The following HDAC4 variants were observed in gnomAD, a reference collection of about 807,000 sequenced individuals.
HDAC4 encodes the protein histone deacetylase 4.
HDAC4 carries 16 observed loss-of-function variants against 135.1 expected under a neutral mutation model. That is an observed-to-expected ratio of 0.12 (90% CI 0.08 to 0.18). HDAC4 has a LOEUF of 0.18. Ranked by LOEUF, HDAC4 falls within the 10% of genes least tolerant of loss-of-function variation. The pLI is 1.00. For synonymous variants in HDAC4, 685 were observed against 653.4 expected, an observed-to-expected ratio of 1.05 and a Z score of -0.74; for missense variants, 1,143 against 1,511.8, an observed-to-expected ratio of 0.76 and a Z score of 4.05.
chr2:239,333,465 A>C (rs1691718611), intron 2 of HDAC4, among the ~76,000 whole-genome samples: 1 of 152,170 alleles, frequency 6.6e-6, no homozygotes, highest in African/African-American at 2.4e-5. Flanking sequence ...TTCAAGAAAA[A>C]ATAACACGTC....
At chr2:239,357,886 T>C (rs1693605141) in intron 1 of HDAC4, among the ~76,000 whole-genome samples, 2 of 75,008 alleles carry the variant, frequency 2.7e-5, no homozygotes, top group Admixed American at 1.6e-4. Context: ...AAGCCTCTGT[T>C]CCAAAAAAAA....
At chr2:239,130,155 G>A (rs146341076) in intron 11 of HDAC4, among the ~76,000 whole-genome samples, 8 of 152,272 alleles carry the variant, frequency 5.3e-5, no homozygotes, top group Non-Finnish European at 7.4e-5. Context: ...TTGCAATCCC[G>A]GCCGCCCAAG....
chr2:239,368,697 C>T (rs1488065618), intron 1 of HDAC4, among the ~76,000 whole-genome samples: 1 of 152,092 alleles, frequency 6.6e-6, no homozygotes, highest in Non-Finnish European at 1.5e-5. Flanking sequence ...CCTCTCCTGC[C>T]CAGGTGAGGT....
chr2:239,282,811 C>T lies in HDAC4; in HGVS notation c.23-46147G>A, dbSNP rs188745084. Reference sequence around the variant, plus strand: ...CTCTACACACAATGTACACACCACTCTACACACAATGTACACACCACTCTA... The same window carrying T: ...CTCTACACACAATGTACACACCACTTTACACACAATGTACACACCACTCTA... On this transcript the variant is annotated intron_variant, in intron 2 of 26. Transcript: ENST00000543185. 5.6e-3 allele frequency among the ~76,000 whole-genome samples: 855 copies of T among 151,456 alleles called. 4 individuals carry two copies. The highest frequency in any genetic ancestry group is 8.7e-3 in the Non-Finnish European group (590 of 67,832).
intron 3 of HDAC4, among the ~76,000 whole-genome samples, chr2:239,230,368 C>CAAAAAAAAAAAAAAAAAAAAGAAA (rs2047474758): frequency 1.3e-5 from 1 of 79,392 alleles, no homozygotes; most frequent in Admixed American, 1.5e-4. Flanking sequence ...AGCAAGCAAG[C>CAAAAAAAAAAAAAAAAAAAAGAAA]AAAAAAAAAA....
intron 1 of HDAC4, among the ~76,000 whole-genome samples, chr2:239,379,789 G>A (rs779022706): frequency 2.6e-4 from 40 of 152,246 alleles, no homozygotes; most frequent in Non-Finnish European, 5.0e-4. Flanking sequence ...GAAGGCCAGA[G>A]AGCAGCCCCT....
intron 7 of HDAC4, among the ~76,000 whole-genome samples, chr2:239,147,050 C>T (rs762807798): frequency 1.3e-5 from 2 of 152,192 alleles, no homozygotes; most frequent in African/African-American, 2.4e-5. Flanking sequence ...GTCCCTGCCC[C>T]GTGGGCTATT....
chr2:239,108,607 C>CA (rs1553617923), intron 14 of HDAC4, among the ~76,000 whole-genome samples: 1 of 152,198 alleles, frequency 6.6e-6, no homozygotes, highest in Non-Finnish European at 1.5e-5. Flanking sequence ...CCCCTACCCT[C>CA]AAAGTCTGCC....
At position 239,323,012 on chromosome 2, in the gene HDAC4, G is replaced by A. The variant is rs73102703; in HGVS notation, c.22+29666C>T. Among the ~76,000 whole-genome samples, 764 of 152,292 alleles carry A rather than the reference G, an allele frequency of 5.0e-3. 7 individuals are homozygous for A. Among genetic ancestry groups the A allele is most frequent in the African/African-American group, 0.018 (733 of 41,560 alleles). On this transcript the variant is annotated intron_variant, in intron 2 of 26. Coordinates refer to ENST00000543185, the MANE Select transcript of HDAC4 (RefSeq NM_001378414.1). ...ACTCTTGATGATGAGGGTGACTCAC[G>A]CATCCCCTTGTCCCCACAGTTCTGT...
intron 17 of HDAC4, chr2:239,094,202 G>C (rs1336180188): frequency 2.0e-6 from 2 of 985,284 alleles, no homozygotes; most frequent in Non-Finnish European, 2.4e-6. Flanking sequence ...GATCTGCTCG[G>C]ACGCTCCGCC....
intron 16 of HDAC4, among the ~76,000 whole-genome samples, chr2:239,096,182 C>A (rs141138961): frequency 5.9e-5 from 9 of 152,140 alleles, no homozygotes; most frequent in African/African-American, 1.9e-4. Context: ...GGCTTGCCGG[C>A]CCGGTTAGCA....
Position 239,084,171 on chromosome 2 carries a change from A to C in HDAC4, c.2516T>G (p.Ile839Ser), listed in dbSNP as rs761012368. Reference sequence around the variant, plus strand: ...TCTGCTTACCCAGTCCACGATGAGGATCTTGCTCACGCTCAACCTCTGCTG... The same window carrying C: ...TCTGCTTACCCAGTCCACGATGAGGCTCTTGCTCACGCTCAACCTCTGCTG... ...LLQQRLSVSK[I>S]LIVDWDVHHG... Residue 839 changes from isoleucine (I) to serine (S), a missense_variant, in exon 20 of 27, where the codon ATC becomes AGC. Physicochemically the swap from Ile to Ser is moderately radical, Grantham distance 142. Around this residue, in one of 9 missense-constraint regions of HDAC4, gnomAD observed 189 missense variants for 317.6 expected, o/e 0.60. Transcript: ENST00000543185. 1 of 1,613,166 alleles carries C rather than the reference A, an allele frequency of 6.2e-7. No homozygotes were observed. The highest frequency in any genetic ancestry group is 8.5e-7 in the Non-Finnish European group (1 of 1,179,498).
chr2:239,142,716 G>A (rs2041474466), intron 8 of HDAC4, among the ~76,000 whole-genome samples: 1 of 151,532 alleles, frequency 6.6e-6, no homozygotes. Context: ...CATGACTCCT[G>A]GGTGAGCTTA....
chr2:239,169,180 T>A (rs1365466752), intron 5 of HDAC4, among the ~76,000 whole-genome samples: 1 of 152,240 alleles, frequency 6.6e-6, no homozygotes, highest in Non-Finnish European at 1.5e-5. Flanking sequence ...ACCCAGCTGA[T>A]ATTTAAATTT....
chr2:239,372,046 C>T (rs1485289237), intron 1 of HDAC4, among the ~76,000 whole-genome samples: 1 of 152,214 alleles, frequency 6.6e-6, no homozygotes. Context: ...CGGCCAGAGG[C>T]ATCCTCAAGG....
At chr2:239,118,064 C>T (rs528759656) in intron 12 of HDAC4, among the ~76,000 whole-genome samples, 34 of 152,276 alleles carry the variant, frequency 2.2e-4, no homozygotes, top group African/African-American at 3.4e-4. Context: ...CCGTATCAGA[C>T]GACACCGGTC....
chr2:239,118,537 G>A (rs967172989), intron 12 of HDAC4, among the ~76,000 whole-genome samples: 5 of 152,170 alleles, frequency 3.3e-5, no homozygotes, highest in Admixed American at 2.0e-4. Context: ...TGAGCGTGCC[G>A]TTGGGAGAGG....
At chr2:239,159,147 ACT>A (rs1225494569) in intron 6 of HDAC4, among the ~76,000 whole-genome samples, 3 of 143,980 alleles carry the variant, frequency 2.1e-5, no homozygotes, top group Admixed American at 1.4e-4. Context: ...TCACCCAACT[ACT>A]CACACCTGCA....
At chr2:239,278,319 C>T (rs559257292) in intron 2 of HDAC4, among the ~76,000 whole-genome samples, 1 of 151,642 alleles carries the variant, frequency 6.6e-6, no homozygotes, top group Admixed American at 6.6e-5. Context: ...CCACAGAAAG[C>T]ATTTGTTTAA....
Sources: gnomAD v4.1 joint callset for allele counts (sites outside exome capture counted in the v4.1 genomes callset) on GRCh38, gnomAD v4.1.1 for gene constraint, gnomAD v4.1.1 regional missense constraint, MANE v1.5 for transcripts, NCBI Gene and HGNC (gene_info 2026-07-23, HGNC 2026-07-21) for gene names.